The following EPHA6 variants were observed in gnomAD, a reference collection of about 807,000 sequenced individuals.
The protein encoded by EPHA6 is EPH receptor A6.
A neutral mutation model predicts 112.0 loss-of-function variants in EPHA6; 50 were observed. That is an observed-to-expected ratio of 0.45 (90% CI 0.36 to 0.56). EPHA6 has a LOEUF of 0.56. EPHA6 is among the 20% of genes least tolerant of loss of function. The probability of loss-of-function intolerance (pLI) is 0.00; values close to 1 mark genes in which losing one functional copy is unlikely to be tolerated. For missense variants in EPHA6, 1,280 were observed against 1,417.4 expected (o/e 0.90, Z 1.56); for synonymous variants, 529 against 490.7 (o/e 1.08, Z -1.03).
chr3:97,486,793 T>G (rs535710236), intron 10 of EPHA6, among the ~76,000 whole-genome samples: 2 of 152,354 alleles, frequency 1.3e-5, no homozygotes, highest in African/African-American at 4.8e-5. Flanking sequence ...CTGTGTGAAG[T>G]GTGAACGTAT....
chr3:97,622,172 A>G (rs1368781961), intron 13 of EPHA6, among the ~76,000 whole-genome samples: 2 of 151,818 alleles, frequency 1.3e-5, no homozygotes, highest in African/African-American at 4.8e-5. Flanking sequence ...GCAGAACTCT[A>G]TTTATCTGGC....
intron 3 of EPHA6, among the ~76,000 whole-genome samples, chr3:97,216,577 T>C (rs1490609797): frequency 6.6e-6 from 1 of 152,250 alleles, no homozygotes; most frequent in East Asian, 1.9e-4. Context: ...CATGCTTTTC[T>C]TTTGGGCATA....
intron 5 of EPHA6, among the ~76,000 whole-genome samples, chr3:97,332,223 ACT>A (rs1370377695): frequency 2.0e-5 from 3 of 152,080 alleles, no homozygotes; most frequent in African/African-American, 7.2e-5. Context: ...CATGCTAAGA[ACT>A]CTCAATAAAT....
chr3:96,905,094 T>C (rs1268509003), intron 2 of EPHA6, among the ~76,000 whole-genome samples: 1 of 152,142 alleles, frequency 6.6e-6, no homozygotes, highest in African/African-American at 2.4e-5. Flanking sequence ...ACATGTGTTT[T>C]AAAATGTTAA....
At chr3:97,358,366 C>T (rs1672262631) in intron 5 of EPHA6, among the ~76,000 whole-genome samples, 1 of 152,022 alleles carries the variant, frequency 6.6e-6, no homozygotes, top group Admixed American at 6.6e-5. Flanking sequence ...ACAACTTTGC[C>T]TCATGCCCTC....
At chr3:97,194,954 C>T (rs902710845) in intron 3 of EPHA6, among the ~76,000 whole-genome samples, 3 of 151,832 alleles carry the variant, frequency 2.0e-5, no homozygotes, top group East Asian at 1.9e-4. Context: ...TGGCTTTACA[C>T]GTGAAGTGTG....
intron 16 of EPHA6, among the ~76,000 whole-genome samples, chr3:97,746,023 C>G (rs780678358): frequency 2.6e-5 from 4 of 151,810 alleles, no homozygotes; most frequent in Non-Finnish European, 5.9e-5. Flanking sequence ...CTAGTTAAAG[C>G]TGAAGTAGTT....
At chr3:97,587,212 G>A (rs557046324) in intron 11 of EPHA6, among the ~76,000 whole-genome samples, 2 of 151,550 alleles carry the variant, frequency 1.3e-5, no homozygotes, top group Admixed American at 6.6e-5. Context: ...TCACCCCTTA[G>A]CCTGGGCAAC....
chr3:97,004,359 T>G (rs187329189), intron 3 of EPHA6, among the ~76,000 whole-genome samples: 2 of 152,268 alleles, frequency 1.3e-5, no homozygotes, highest in East Asian at 3.9e-4. Context: ...TAAGGTGTCT[T>G]ATTGTGGTTT....
chr3:97,651,165 G>A (rs2094105107), intron 14 of EPHA6, among the ~76,000 whole-genome samples: 1 of 152,020 alleles, frequency 6.6e-6, no homozygotes, highest in Non-Finnish European at 1.5e-5. Flanking sequence ...GAAAGAAAGT[G>A]ATTGAAATTA....
At chr3:97,007,473 TC>T (rs2043928326) in intron 3 of EPHA6, among the ~76,000 whole-genome samples, 1 of 151,358 alleles carries the variant, frequency 6.6e-6, no homozygotes, top group South Asian at 2.1e-4. Context: ...TTTTCCTCCA[TC>T]CCTTTATTTT....
At chr3:97,534,812 G>A (rs1393416212) in intron 11 of EPHA6, among the ~76,000 whole-genome samples, 1 of 151,938 alleles carries the variant, frequency 6.6e-6, no homozygotes, top group Non-Finnish European at 1.5e-5. Context: ...ATCTCTGGCA[G>A]GCAAAAGATA....
intron 14 of EPHA6, among the ~76,000 whole-genome samples, chr3:97,670,600 G>A (rs1276507418): frequency 6.6e-6 from 1 of 152,144 alleles, no homozygotes; most frequent in Non-Finnish European, 1.5e-5. Context: ...GCAGCTGTCT[G>A]GTTGTGCAAC....
chr3:96,947,462 G>C (rs1014235159), intron 2 of EPHA6, among the ~76,000 whole-genome samples: 2 of 151,954 alleles, frequency 1.3e-5, no homozygotes, highest in East Asian at 1.9e-4. Context: ...TCTTGTTTTT[G>C]TCAGGTTTGT....
Position 97,759,912 on chromosome 3 carries a change from A to G in EPHA6, c.*11211A>G, listed in dbSNP as rs1404542376. On this transcript the variant is annotated 3_prime_UTR_variant, in exon 18 of 18. Coordinates refer to ENST00000389672, the MANE Select transcript of EPHA6 (RefSeq NM_001080448.3). ...ACTTTGAATTCTGTGGTTTCCAAGG[A>G]CTCTGGTAAGAGTCCTTTCCATAAT... The G allele has an allele frequency of 1.0e-5, 2 of 198,454 alleles. No homozygotes were observed. Among genetic ancestry groups the G allele is most frequent in the Non-Finnish European group, 2.1e-5 (2 of 95,894 alleles). 12.3% of individuals were successfully genotyped at this position (198,454 alleles called of 1,614,324 possible).
chr3:96,983,322 G>T (rs1253427302), intron 2 of EPHA6, among the ~76,000 whole-genome samples: 2 of 152,120 alleles, frequency 1.3e-5, no homozygotes, highest in Non-Finnish European at 1.5e-5. Flanking sequence ...AGCTTAGTTT[G>T]GCTGGATATG....
intron 11 of EPHA6, among the ~76,000 whole-genome samples, chr3:97,580,359 T>A (rs1421472673): frequency 1.3e-5 from 2 of 152,222 alleles, no homozygotes; most frequent in South Asian, 2.1e-4. Flanking sequence ...TAAAAGCATG[T>A]ATGTTAAGTG....
intron 3 of EPHA6, among the ~76,000 whole-genome samples, chr3:97,084,117 TATATATGG>T (rs1326667062): frequency 6.8e-4 from 76 of 111,184 alleles, no homozygotes; most frequent in Non-Finnish European, 1.2e-3. Flanking sequence ...TATATATATA[TATATATGG>T]ATATATATCC....
intron 3 of EPHA6, among the ~76,000 whole-genome samples, chr3:97,187,731 A>AAG (rs904664581): frequency 2.7e-5 from 4 of 149,916 alleles, no homozygotes; most frequent in Non-Finnish European, 5.9e-5. Flanking sequence ...GAAAGAAAGA[A>AAG]AGAAAGAAAG....
Sources: gnomAD v4.1 joint callset for allele counts (sites outside exome capture counted in the v4.1 genomes callset) on GRCh38, gnomAD v4.1.1 for gene constraint, MANE v1.5 for transcripts, NCBI Gene and HGNC (gene_info 2026-07-23, HGNC 2026-07-21) for gene names.